TSHZ2: variants seen among roughly 807,000 people sequenced by gnomAD.
TSHZ2 encodes teashirt zinc finger homeobox 2.
Under a neutral mutation model 74.4 loss-of-function variants are expected in TSHZ2, and 21 were observed. That is an observed-to-expected ratio of 0.28 (90% CI 0.20 to 0.41). The LOEUF is 0.41. TSHZ2 is among the 10% of genes least tolerant of loss of function. The probability of loss-of-function intolerance (pLI) is 1.00; values close to 1 mark genes in which losing one functional copy is unlikely to be tolerated. For synonymous variants in TSHZ2, 540 were observed against 515.3 expected (o/e 1.05, Z -0.65); for missense variants, 1,244 against 1,293.5 (o/e 0.96, Z 0.59).
chr20:53,050,170 TATATACACATATATATGTATATATATA>T, intron 1 of TSHZ2, among the ~76,000 whole-genome samples: 3 of 145,298 alleles, frequency 2.1e-5, no homozygotes, highest in African/African-American at 7.6e-5. Flanking sequence ...TATATGTACA[TATATACACATATATATGTATATATATA>T]TATGTATGTA....
intron 2 of TSHZ2, among the ~76,000 whole-genome samples, chr20:53,317,316 A>G (rs1314521663): frequency 1.3e-5 from 2 of 152,230 alleles, no homozygotes; most frequent in Admixed American, 1.3e-4. Context: ...GGTTGAGTTC[A>G]CACAGAGAAT....
intron 1 of TSHZ2, among the ~76,000 whole-genome samples, chr20:53,189,227 C>T (rs1361255654): frequency 6.6e-6 from 1 of 152,158 alleles, no homozygotes; most frequent in Non-Finnish European, 1.5e-5. Context: ...AAACCTACAC[C>T]TTGGAAGGCC....
At chr20:53,071,094 G>C (rs558658430) in intron 1 of TSHZ2, among the ~76,000 whole-genome samples, 27 of 152,258 alleles carry the variant, frequency 1.8e-4, no homozygotes, top group African/African-American at 5.1e-4. Flanking sequence ...ATACATAAAT[G>C]ACTCCTCGAG....
chr20:53,101,887 A>G (rs1986228626), intron 1 of TSHZ2, among the ~76,000 whole-genome samples: 1 of 152,238 alleles, frequency 6.6e-6, no homozygotes, highest in African/African-American at 2.4e-5. Flanking sequence ...ATTGATTACT[A>G]TTTTGAAGTT....
intron 1 of TSHZ2, among the ~76,000 whole-genome samples, chr20:53,114,523 T>C (rs1986618709): frequency 6.6e-6 from 1 of 152,214 alleles, no homozygotes; most frequent in Admixed American, 6.5e-5. Context: ...CTACCACTGC[T>C]CTTTCCAGTG....
At chr20:53,344,469 G>T (rs1206525147) in intron 2 of TSHZ2, among the ~76,000 whole-genome samples, 1 of 152,112 alleles carries the variant, frequency 6.6e-6, no homozygotes, top group Admixed American at 6.5e-5. Context: ...TTTTCACTAT[G>T]CACATCCCCC....
At chr20:53,440,415 C>T (rs1984266375) in intron 2 of TSHZ2, among the ~76,000 whole-genome samples, 1 of 152,232 alleles carries the variant, frequency 6.6e-6, no homozygotes, top group Non-Finnish European at 1.5e-5. Flanking sequence ...TCTGATGCAT[C>T]ATTTCAGCTT....
intron 1 of TSHZ2, among the ~76,000 whole-genome samples, chr20:53,021,893 T>C (rs1322726573): frequency 1.3e-5 from 2 of 152,232 alleles, no homozygotes; most frequent in South Asian, 4.1e-4. Flanking sequence ...AAAGTATCAC[T>C]GAGGCTACTT....
intron 1 of TSHZ2, among the ~76,000 whole-genome samples, chr20:53,220,497 G>A (rs1009063264): frequency 2.0e-5 from 3 of 152,188 alleles, no homozygotes; most frequent in African/African-American, 7.2e-5. Flanking sequence ...CCATGTCAGG[G>A]TTAGCTCATG....
intron 2 of TSHZ2, among the ~76,000 whole-genome samples, chr20:53,435,778 G>T (rs1465397976): frequency 1.3e-5 from 2 of 152,206 alleles, no homozygotes; most frequent in East Asian, 3.8e-4. Flanking sequence ...CTTCCAAAGT[G>T]CTGGGATTAC....
intron 1 of TSHZ2, among the ~76,000 whole-genome samples, chr20:53,164,506 C>T (rs1833978294): frequency 1.3e-5 from 2 of 152,018 alleles, no homozygotes; most frequent in South Asian, 4.2e-4. Flanking sequence ...GAAGTGCTGT[C>T]CAATAGAACT....
At chr20:53,143,879 C>T (rs1208050177) in intron 1 of TSHZ2, among the ~76,000 whole-genome samples, 4 of 151,920 alleles carry the variant, frequency 2.6e-5, no homozygotes, top group East Asian at 1.9e-4. Context: ...TATGGGAGCC[C>T]GGAGTTTTAT....
In TSHZ2 at chr20:53,113,424, AT is replaced by A. The variant is rs1351061833; in HGVS notation, c.41-140073del. Among the ~76,000 whole-genome samples, 144 of 152,186 alleles carry A rather than the reference AT, an allele frequency of 9.5e-4. 1 individual carries two copies. Among genetic ancestry groups the A allele is most frequent in the Non-Finnish European group, 5.9e-4 (40 of 68,012 alleles). On this transcript the variant is annotated intron_variant, in intron 1 of 2. Transcript: ENST00000371497. ...CTAACCATATTAAACCCATTTATTTATTGTAGTTTATCGCTGTTTAGCGTAT... is the reference window on the plus strand; with the variant it reads ...CTAACCATATTAAACCCATTTATTTATGTAGTTTATCGCTGTTTAGCGTAT...
In TSHZ2 at chr20:53,254,121, C is replaced by T. The variant is rs146638272; in HGVS notation, c.663C>T (p.Ser221=). 55 of 1,614,086 alleles carry T rather than the reference C, an allele frequency of 3.4e-5. No homozygotes were observed. The highest frequency in any genetic ancestry group is 3.3e-4 in the Middle Eastern group (2 of 6,062). The change falls in exon 2 of 3, where the codon AGC becomes AGT. Residue 221 remains serine, a synonymous_variant. Transcript: ENST00000371497. ...GCAGATTCCGATGCCGACAGTGCAG[C>T]GCGGCCTATGACACCCTAGTCGAGC... ...GASRFRCRQC[S]AAYDTLVELT... is the part of the protein sequence containing the mutation.
At chr20:53,359,335 C>T (rs1980966641) in intron 2 of TSHZ2, among the ~76,000 whole-genome samples, 1 of 152,140 alleles carries the variant, frequency 6.6e-6, no homozygotes, top group African/African-American at 2.4e-5. Context: ...TATTTAACCT[C>T]TCTGTGCCTC....
rs147690553 is a variant in TSHZ2 at position 53,488,233 on chromosome 20, A to G, written c.*1098A>G. On this transcript the variant is annotated 3_prime_UTR_variant, in exon 3 of 3. Coordinates refer to ENST00000371497, the MANE Select transcript of TSHZ2 (RefSeq NM_173485.6). ...ATGAGATCTAATTAAGACATCCATT[A>G]AAAGCCCGTTAAAGTTAATTTAACG... is the stretch of plus-strand genomic sequence containing the variant. 2 of 152,360 alleles carry G rather than the reference A, an allele frequency of 1.3e-5. No individual in the cohort carries two copies. The highest frequency in any genetic ancestry group is 3.9e-4 in the East Asian group (2 of 5,194). The allele number at this position is 152,360 out of a possible 1,614,324, so 9.4% of individuals were successfully genotyped here. A position where few individuals can be genotyped will look rare whatever the true frequency, so the allele number is the denominator to read the frequency against.
chr20:53,371,964 C>T (rs986142627), intron 2 of TSHZ2, among the ~76,000 whole-genome samples: 6 of 152,078 alleles, frequency 3.9e-5, no homozygotes, highest in African/African-American at 1.4e-4. Flanking sequence ...CTAACTTCCC[C>T]GTGACTCCCA....
chr20:53,441,264 T>C (rs1327022400), intron 2 of TSHZ2, among the ~76,000 whole-genome samples: 1 of 147,054 alleles, frequency 6.8e-6, no homozygotes, highest in African/African-American at 2.5e-5. Flanking sequence ...TATTTTATTT[T>C]ATTTTATTTT....
chr20:53,284,544 C>T (rs976092290), intron 2 of TSHZ2, among the ~76,000 whole-genome samples: 1 of 152,162 alleles, frequency 6.6e-6, no homozygotes, highest in Non-Finnish European at 1.5e-5. Context: ...GGATAATACG[C>T]ATTAACATAG....
Sources: allele counts gnomAD v4.1 joint callset (sites outside exome capture counted in the v4.1 genomes callset), GRCh38; gene constraint gnomAD v4.1.1; transcripts MANE v1.5; gene names NCBI Gene and HGNC (gene_info 2026-07-23, HGNC 2026-07-21).